Variants in ACSM3 observed in about 807,000 individuals in gnomAD.
ACSM3 encodes the protein acyl-coenzyme A synthetase ACSM3, mitochondrial.
A neutral mutation model predicts 74.1 loss-of-function variants in ACSM3; 61 were observed. The observed-to-expected ratio is 0.82, with a 90% confidence interval of 0.67 to 1.02. ACSM3 has a LOEUF of 1.02. Among genes scored for constraint, ACSM3 ranks in the 50% least tolerant of loss-of-function variants. The pLI, the probability that ACSM3 is intolerant of heterozygous loss-of-function variation, is 0.00. For missense variants in ACSM3, 660 were observed against 697.0 expected (o/e 0.95, Z 0.60); for synonymous variants, 213 against 241.5 (o/e 0.88, Z 1.09).
At chr16:20,709,603 G>C (rs963801324) in intron 1 of ACSM3, among the ~76,000 whole-genome samples, 1 of 151,984 alleles carries the variant, frequency 6.6e-6, no homozygotes, top group Non-Finnish European at 1.5e-5. Flanking sequence ...AAGAACAGGT[G>C]GTTTGTAAAA....
At chr16:20,695,969 T>C (rs1187580801) in intron 1 of ACSM3, among the ~76,000 whole-genome samples, 1 of 152,230 alleles carries the variant, frequency 6.6e-6, no homozygotes, top group Non-Finnish European at 1.5e-5. Flanking sequence ...GGATCACATA[T>C]ACAGAGTGGC....
intron 1 of ACSM3, chr16:20,739,040 C>T (rs773837153): frequency 1.2e-5 from 20 of 1,614,110 alleles, no homozygotes; most frequent in African/African-American, 4.0e-5. Context: ...CTCTCCCTCA[C>T]TTCCAGAGGG....
At chr16:20,754,019 A>G (rs1467590126) in intron 2 of ACSM3, among the ~76,000 whole-genome samples, 1 of 152,234 alleles carries the variant, frequency 6.6e-6, no homozygotes, top group Non-Finnish European at 1.5e-5. Context: ...TGTCAAGTCC[A>G]CAGTGGAAAA....
intron 1 of ACSM3, among the ~76,000 whole-genome samples, chr16:20,676,546 T>C (rs168103): frequency 1 from 152,273 of 152,318 alleles, 76,114 homozygotes; most frequent in Middle Eastern, 1. Flanking sequence ...GCTCCGTAGG[T>C]GTGAATGCAA....
At chr16:20,739,210 T>A in intron 1 of ACSM3, 1 of 870,412 alleles carries the variant, frequency 1.1e-6, no homozygotes, top group Non-Finnish European at 1.7e-6. Flanking sequence ...GAGTCTCGCT[T>A]TGCCTCCCAG....
intron 1 of ACSM3, chr16:20,711,580 G>A: frequency 7.4e-7 from 1 of 1,357,930 alleles, no homozygotes. Context: ...GGTGGTCCCA[G>A]TAGTGGAGTC....
chr16:20,733,383 T>C (rs2079842918), intron 1 of ACSM3, among the ~76,000 whole-genome samples: 1 of 152,086 alleles, frequency 6.6e-6, no homozygotes, highest in Admixed American at 6.6e-5. Flanking sequence ...ATTAAAATAC[T>C]GTTAAAATGA....
intron 1 of ACSM3, chr16:20,737,836 A>AT: frequency 6.2e-7 from 1 of 1,613,930 alleles, no homozygotes; most frequent in African/African-American, 1.3e-5. Context: ...ATATTTTTTC[A>AT]TATCTTCTAA....
intron 1 of ACSM3, among the ~76,000 whole-genome samples, chr16:20,742,813 A>ATATATATATATATATATATATAT (rs61582869): frequency 6.0e-5 from 4 of 66,818 alleles, no homozygotes; most frequent in African/African-American, 1.7e-4. Context: ...ATATATATAT[A>ATATATATATATATATATATATAT]TTTTTTTTTT....
chr16:20,697,737 G>T (rs1002784653), intron 1 of ACSM3: 1 of 152,384 alleles, frequency 6.6e-6, no homozygotes, highest in Non-Finnish European at 1.5e-5. Context: ...CAGGTGATCC[G>T]CAGGATTGTG....
rs766057370 is a variant in ACSM3, at chr16:20,742,809, ATATAT to A, written c.-189-7099_-189-7095del. Among the ~76,000 whole-genome samples, 519 of 93,366 alleles carry A rather than the reference ATATAT, an allele frequency of 5.6e-3. 3 individuals are homozygous for A. Among genetic ancestry groups the A allele is most frequent in the African/African-American group, 0.016 (454 of 27,644 alleles). 61.3% of individuals were successfully genotyped at this position (93,366 alleles called of 152,430 possible). On this transcript the variant is annotated intron_variant, in intron 1 of 3. Coordinates refer to the ACSM3 transcript ENST00000561584. ...TGCGTGTAAATATATATATATATAT[ATATAT>A]TTTTTTTTTTTCCCTTCTCCCCTTC... is the stretch of plus-strand genomic sequence containing the variant.
intron 1 of ACSM3, among the ~76,000 whole-genome samples, chr16:20,713,831 T>G (rs2079751966): frequency 6.6e-6 from 1 of 152,050 alleles, no homozygotes; most frequent in Non-Finnish European, 1.5e-5. Context: ...GTGCCATAAC[T>G]CCAAAAAGGG....
upstream of ACSM3, among the ~76,000 whole-genome samples, chr16:20,761,799 G>A (rs532719967): frequency 6.6e-5 from 10 of 152,256 alleles, no homozygotes; most frequent in South Asian, 2.1e-4. Flanking sequence ...TCAAGCATGC[G>A]TACTAAGAGG....
At chr16:20,682,608 G>A in intron 1 of ACSM3, 1 of 596,680 alleles carries the variant, frequency 1.7e-6, no homozygotes, top group Non-Finnish European at 3.0e-6. Flanking sequence ...TATCCAGGAT[G>A]CAGAATCTCA....
chr16:20,750,651 A>G (rs1423265873), intron 2 of ACSM3, among the ~76,000 whole-genome samples: 2 of 152,114 alleles, frequency 1.3e-5, no homozygotes, highest in Admixed American at 6.6e-5. Flanking sequence ...TGAGCTTTAG[A>G]TTTGTTTATT....
In ACSM3 at chr16:20,781,723, C is replaced by T; in HGVS notation, c.955C>T (p.Pro319Ser). 1.2e-6 allele frequency: 2 copies of T among 1,612,816 alleles called. No individual in the cohort carries two copies. Among genetic ancestry groups the T allele is most frequent in the Non-Finnish European group, 1.7e-6 (2 of 1,178,902 alleles). Residue 319 changes from proline (P) to serine (S), a missense_variant, in exon 7 of 14, where the codon CCC becomes TCC. Coordinates refer to ENST00000289416, the MANE Select transcript of ACSM3 (RefSeq NM_005622.4). Reference protein sequence around the residue: ...TSILQTLSKYPITVFCSAPTV... With the variant: ...TSILQTLSKYSITVFCSAPTV... ...TAAATTGCAGACACTCTCCAAGTAC[C>T]CCATCACAGTCTTCTGTTCAGCACC...
chr16:20,754,008 G>T (rs1291254920), intron 2 of ACSM3, among the ~76,000 whole-genome samples: 1 of 152,198 alleles, frequency 6.6e-6, no homozygotes, highest in Non-Finnish European at 1.5e-5. Flanking sequence ...AGAGGGAATG[G>T]TGTCAAGTCC....
At chr16:20,796,286 A>G in intron 12 of ACSM3, 84 bp from the exon 13 acceptor site, 1 of 1,548,918 alleles carries the variant, frequency 6.5e-7, no homozygotes, top group Non-Finnish European at 8.7e-7. Context: ...CCAGGCATGT[A>G]GATTCTCAGA....
chr16:20,754,830 CAT>C (rs1197653554), intron 2 of ACSM3, among the ~76,000 whole-genome samples: 10 of 152,116 alleles, frequency 6.6e-5, no homozygotes, highest in African/African-American at 1.4e-4. Flanking sequence ...GGTTTTCCCA[CAT>C]GAGTATGGTG....
Sources: gnomAD v4.1 joint callset for allele counts (sites outside exome capture counted in the v4.1 genomes callset) on GRCh38, gnomAD v4.1.1 for gene constraint, MANE v1.5 for transcripts, NCBI Gene and HGNC (gene_info 2026-07-23, HGNC 2026-07-21) for gene names.